CEP128: variants seen among roughly 807,000 people sequenced by gnomAD.
CEP128 encodes the protein centrosomal protein 128kDa.
Under a neutral mutation model 156.7 loss-of-function variants are expected in CEP128, and 132 were observed. The ratio of observed to expected loss-of-function variants is 0.84; its 90% CI spans 0.73 to 0.97. The LOEUF is 0.97. CEP128 is among the 50% of genes least tolerant of loss of function. The pLI, the probability that CEP128 is intolerant of heterozygous loss-of-function variation, is 0.00. For synonymous variants in CEP128, 469 were observed against 448.9 expected, an observed-to-expected ratio of 1.04 and a Z score of -0.57; for missense variants, 1,252 against 1,281.9, an observed-to-expected ratio of 0.98 and a Z score of 0.36.
intron 13 of CEP128, among the ~76,000 whole-genome samples, chr14:80,814,471 C>T (rs1041144395): frequency 1.6e-5 from 2 of 128,202 alleles, no homozygotes; most frequent in African/African-American, 3.1e-5. Context: ...GCACAATCCA[C>T]CATTATTTGG....
At chr14:80,628,549 T>C (rs1285870014) in intron 19 of CEP128, among the ~76,000 whole-genome samples, 1 of 152,214 alleles carries the variant, frequency 6.6e-6, no homozygotes, top group Non-Finnish European at 1.5e-5. Flanking sequence ...TTTTTGCCTG[T>C]CCATTTCCCC....
chr14:80,787,347 A>G (rs2139818002), intron 14 of CEP128, among the ~76,000 whole-genome samples: 1 of 152,268 alleles, frequency 6.6e-6, no homozygotes, highest in African/African-American at 2.4e-5. Context: ...CTGAACTTCT[A>G]GAAGCCAACC....
chr14:80,567,363 G>A lies in CEP128; in HGVS notation c.2857-8061C>T, dbSNP rs1394621252. ...GGAAAACAAAGAAGATGAAGAGAAAGATACAGAAATGGGGGTCTATTGGTT... is the reference window on the plus strand; with the variant it reads ...GGAAAACAAAGAAGATGAAGAGAAAAATACAGAAATGGGGGTCTATTGGTT... On this transcript the variant is annotated intron_variant, in intron 20 of 24. Transcript: ENST00000555265. 1.3e-5 allele frequency among the ~76,000 whole-genome samples: 2 copies of A among 152,082 alleles called. 1 individual carries two copies. Among genetic ancestry groups the A allele is most frequent in the Non-Finnish European group, 2.9e-5 (2 of 68,002 alleles).
At chr14:80,754,976 G>T (rs1015924395) in intron 18 of CEP128, among the ~76,000 whole-genome samples, 15 of 152,126 alleles carry the variant, frequency 9.9e-5, no homozygotes, top group African/African-American at 3.4e-4. Flanking sequence ...TTAGACTGAA[G>T]GATACAAAGT....
At chr14:80,552,199 C>G (rs1009698497) in intron 21 of CEP128, among the ~76,000 whole-genome samples, 1 of 151,956 alleles carries the variant, frequency 6.6e-6, no homozygotes, top group Non-Finnish European at 1.5e-5. Context: ...ATCCCAGCTA[C>G]TTGGGAGGCT....
intron 2 of CEP128, among the ~76,000 whole-genome samples, chr14:80,919,877 G>A (rs1426329730): frequency 2.6e-5 from 4 of 152,154 alleles, no homozygotes; most frequent in African/African-American, 9.7e-5. Flanking sequence ...TTAAGTTACT[G>A]TGAGCAATAA....
At position 80,899,952 on chromosome 14, in the gene CEP128, A is replaced by G; in HGVS notation, c.558T>C (p.Leu186=). The G allele has an allele frequency of 6.2e-7, 1 of 1,612,916 alleles. No homozygotes were observed. Among genetic ancestry groups the G allele is most frequent in the Non-Finnish European group, 8.5e-7 (1 of 1,178,972 alleles). The change falls in exon 7 of 25, where the codon CTT becomes CTC. Residue 186 remains leucine, a synonymous_variant. Transcript: ENST00000555265. Reference sequence around the variant, plus strand: ...GCTGCTTTTACCGGCTCCTTCTGGAAAGCTCCCTGTTGAAATCATCTCCAA... The same window carrying G: ...GCTGCTTTTACCGGCTCCTTCTGGAGAGCTCCCTGTTGAAATCATCTCCAA... ...IRLGDDFNRE[L]SRRSRSDAET...
intron 19 of CEP128, among the ~76,000 whole-genome samples, chr14:80,669,922 G>A (rs1331926189): frequency 2.0e-5 from 3 of 152,176 alleles, no homozygotes; most frequent in Non-Finnish European, 4.4e-5. Context: ...GTATAGTTCT[G>A]CAGGCTATAC....
At chr14:80,884,154 G>A (rs1888680794) in intron 8 of CEP128, among the ~76,000 whole-genome samples, 3 of 152,106 alleles carry the variant, frequency 2.0e-5, no homozygotes, top group African/African-American at 7.2e-5. Context: ...AACTCCCCAG[G>A]ACATTGGAGT....
At chr14:80,677,955 A>G (rs1225453721) in intron 19 of CEP128, among the ~76,000 whole-genome samples, 2 of 151,674 alleles carry the variant, frequency 1.3e-5, no homozygotes, top group Non-Finnish European at 2.9e-5. Flanking sequence ...AAACCAATTT[A>G]TGCTTTTCAG....
chr14:80,831,983 G>A (rs1885826208), intron 12 of CEP128, among the ~76,000 whole-genome samples: 2 of 152,234 alleles, frequency 1.3e-5, no homozygotes, highest in South Asian at 4.2e-4. Flanking sequence ...ACATGTTGTG[G>A]GAGGGACCAA....
chr14:80,647,049 A>ATGTGTGTGTG (rs1425598200), intron 19 of CEP128, among the ~76,000 whole-genome samples: 7,004 of 18,064 alleles, frequency 0.39, 1,028 homozygotes, highest in Non-Finnish European at 0.42. Flanking sequence ...ATATATATAT[A>ATGTGTGTGTG]TATATATATA....
intron 8 of CEP128, among the ~76,000 whole-genome samples, chr14:80,890,196 A>G (rs1889026021): frequency 6.6e-6 from 1 of 152,222 alleles, no homozygotes; most frequent in Non-Finnish European, 1.5e-5. Flanking sequence ...AATTAGTTCA[A>G]CCTTTGTGGA....
At chr14:80,479,663 T>A (rs1285778896) in intron 14 of CEP128, among the ~76,000 whole-genome samples, 1 of 152,132 alleles carries the variant, frequency 6.6e-6, no homozygotes, top group Non-Finnish European at 1.5e-5. Context: ...ACCGTATCAT[T>A]CTGCCCCTGG....
At position 80,533,009 on chromosome 14, in the gene CEP128, G is replaced by C. The variant is rs1304520730; in HGVS notation, c.2881-2123C>G. 4.6e-5 allele frequency among the ~76,000 whole-genome samples: 7 copies of C among 152,086 alleles called. No individual in the cohort carries two copies. The East Asian group carries it at 1.2e-3, about 25-fold the overall frequency. ...ACATTTATATTATTGTTAGTCTTTA[G>C]GCCACATGTACTCACTTACACTGCC... is the stretch of plus-strand genomic sequence containing the variant. On this transcript the variant is annotated intron_variant, in intron 21 of 24. Coordinates refer to ENST00000555265, the MANE Select transcript of CEP128 (RefSeq NM_152446.5).
At chr14:80,772,480 G>A (rs4636844) in intron 16 of CEP128, among the ~76,000 whole-genome samples, 9,946 of 152,066 alleles carry the variant, frequency 0.065, 1,082 homozygotes, top group African/African-American at 0.23. Flanking sequence ...CAATAAAACC[G>A]TGCATTCATC....
intron 15 of CEP128, among the ~76,000 whole-genome samples, 172 bp downstream of exon 15, chr14:80,784,723 T>A (rs1016153985): frequency 6.6e-6 from 1 of 152,218 alleles, no homozygotes; most frequent in South Asian, 2.1e-4. Context: ...GTGGCTGTTA[T>A]AACTCATTTC....
chr14:80,924,806 A>G (rs953200970), intron 2 of CEP128, among the ~76,000 whole-genome samples: 4 of 152,124 alleles, frequency 2.6e-5, no homozygotes, highest in African/African-American at 9.7e-5. Context: ...AACTAAAGAA[A>G]AAAAACTGAA....
At chr14:80,599,518 A>T (rs888594338) in intron 19 of CEP128, among the ~76,000 whole-genome samples, 1 of 151,090 alleles carries the variant, frequency 6.6e-6, no homozygotes, top group Non-Finnish European at 1.5e-5. Context: ...CTCGTGATCC[A>T]CCCGCCTTAG....
Sources: allele counts gnomAD v4.1 joint callset (sites outside exome capture counted in the v4.1 genomes callset), GRCh38; gene constraint gnomAD v4.1.1; transcripts MANE v1.5; gene names NCBI Gene and HGNC (gene_info 2026-07-23, HGNC 2026-07-21).